Variants in LAMC1 observed in about 807,000 individuals in gnomAD.
The protein encoded by LAMC1 is laminin subunit gamma 1, also known as laminin subunit gamma-1.
Under a neutral mutation model 173.6 loss-of-function variants are expected in LAMC1, and 38 were observed. That is an observed-to-expected ratio of 0.22 (90% confidence interval 0.17 to 0.29). The LOEUF (loss-of-function observed/expected upper bound fraction) is 0.29, where lower values mean the gene tolerates loss of function less well. Ranked by LOEUF, LAMC1 falls within the 10% of genes least tolerant of loss-of-function variation. The pLI, the probability that LAMC1 is intolerant of heterozygous loss-of-function variation, is 1.00. For synonymous variants in LAMC1, 746 were observed against 749.1 expected, an observed-to-expected ratio of 1.00 and a Z score of 0.07; for missense variants, 1,824 against 2,051.8, an observed-to-expected ratio of 0.89 and a Z score of 2.14.
At position 183,103,464 on chromosome 1, in the gene LAMC1, C is replaced by T; in HGVS notation, c.555C>T (p.Thr185=). The part of the protein sequence containing the change: ...YQYYSGSCEN[T]YSKANRGFIR... ...ACTACAGTGGTTCCTGTGAGAACAC[C>T]TACTCCAAGGCAAACCGCGGCTTCA... Residue 185 remains threonine, a synonymous_variant, in exon 2 of 28, where the codon ACC becomes ACT. Transcript: ENST00000258341. 15 of 1,614,180 alleles carry T rather than the reference C, an allele frequency of 9.3e-6. No homozygotes were observed. Among genetic ancestry groups the T allele is most frequent in the Non-Finnish European group, 1.3e-5 (15 of 1,180,036 alleles).
intron 1 of LAMC1, among the ~76,000 whole-genome samples, chr1:183,039,509 T>C (rs1654070483): frequency 6.6e-6 from 1 of 152,216 alleles, no homozygotes; most frequent in Non-Finnish European, 1.5e-5. Context: ...TGTGGGAACA[T>C]CTGTAATGCA....
At chr1:183,046,320 G>C (rs1030723164) in intron 1 of LAMC1, among the ~76,000 whole-genome samples, 1 of 151,994 alleles carries the variant, frequency 6.6e-6, no homozygotes, top group Non-Finnish European at 1.5e-5. Context: ...GTTTAGGCCT[G>C]TGCTTATCCA....
intron 18 of LAMC1, 148 bp downstream of exon 18, chr1:183,128,898 T>C (rs1011899107): frequency 3.6e-6 from 2 of 551,608 alleles, no homozygotes; most frequent in Non-Finnish European, 2.8e-6. Flanking sequence ...TTTTAAACAC[T>C]AATTCAAAAA....
intron 3 of LAMC1, 120 bp from the exon 4 acceptor site, chr1:183,110,368 A>G (rs1209792276): frequency 7.3e-6 from 5 of 687,814 alleles, no homozygotes; most frequent in Non-Finnish European, 1.2e-5. Context: ...AATCTTGCTC[A>G]GTTCCCCAGT....
chr1:183,140,503 G>T lies in LAMC1; in HGVS notation c.4573G>T (p.Gly1525Trp). 2 of 1,604,470 alleles carry T rather than the reference G, an allele frequency of 1.2e-6. No homozygotes were observed. Among genetic ancestry groups the T allele is most frequent in the Non-Finnish European group, 8.5e-7 (1 of 1,171,840 alleles). Residue 1525 changes from glycine to tryptophan, a missense_variant and splice_region_variant, in exon 27 of 28, where the codon GGG (glycine) becomes TGG (tryptophan). Gly to Trp is a radical substitution (Grantham distance 184). Transcript: ENST00000258341. Reference sequence around the variant, plus strand: ...TATTAATGACCTCTTGGAGCAGCTGGGTACGTAGCCATAGAGTCATTTTTG... The same window carrying T: ...TATTAATGACCTCTTGGAGCAGCTGTGTACGTAGCCATAGAGTCATTTTTG... The part of the protein sequence containing the change: ...SIINDLLEQL[G>W]QLDTVDLNKL...
chr1:183,029,568 A>C (rs1156906535), intron 1 of LAMC1, among the ~76,000 whole-genome samples: 1 of 152,152 alleles, frequency 6.6e-6, no homozygotes, highest in East Asian at 1.9e-4. Context: ...TCACGTGTTC[A>C]CAGGGCTGTT....
In LAMC1 at chr1:183,079,232, G is replaced by GTTTTTTTTTTT. The variant is rs796732672; in HGVS notation, c.419-24066_419-24056dup. 8.0e-5 allele frequency among the ~76,000 whole-genome samples: 5 copies of GTTTTTTTTTTT among 62,786 alleles called. 1 individual carries two copies. The highest frequency in any genetic ancestry group is 1.5e-4 in the Non-Finnish European group (5 of 32,824). The allele number at this position is 62,786 out of a possible 152,430, so 41.2% of individuals were successfully genotyped here. A position where few individuals can be genotyped will look rare whatever the true frequency, so the allele number is the denominator to read the frequency against. ...AAGCAACTTTCTGATCTCTAATCTG[G>GTTTTTTTTTTT]TTTTTTTTTTTTTTTTTTTTTTTTT... is the stretch of plus-strand genomic sequence containing the variant. On this transcript the variant is annotated intron_variant, in intron 1 of 27. Coordinates refer to ENST00000258341, the MANE Select transcript of LAMC1 (RefSeq NM_002293.4).
At chr1:183,024,916 T>C (rs2102001718) in intron 1 of LAMC1, among the ~76,000 whole-genome samples, 1 of 152,342 alleles carries the variant, frequency 6.6e-6, no homozygotes, top group East Asian at 1.9e-4. Context: ...TGTAGAAAAC[T>C]TCATGGCAGG....
At chr1:183,070,519 G>A (rs186236877) in intron 1 of LAMC1, among the ~76,000 whole-genome samples, 12 of 152,264 alleles carry the variant, frequency 7.9e-5, no homozygotes, top group Admixed American at 2.0e-4. Flanking sequence ...CATCTGGGCC[G>A]TGATTTGAAG....
chr1:183,134,192 C>T (rs184090524), intron 22 of LAMC1, among the ~76,000 whole-genome samples: 2 of 152,256 alleles, frequency 1.3e-5, no homozygotes, highest in East Asian at 3.9e-4. Flanking sequence ...TACTAAGTTT[C>T]ACTTCTTATA....
chr1:183,026,774 TTAAAA>T (rs144851631), intron 1 of LAMC1, among the ~76,000 whole-genome samples: 5,588 of 152,322 alleles, frequency 0.037, 169 homozygotes, highest in Non-Finnish European at 0.05. Flanking sequence ...ACAGTAAACT[TTAAAA>T]TAAGCAGTCA....
intron 15 of LAMC1, among the ~76,000 whole-genome samples, chr1:183,125,848 C>G (rs1251179469): frequency 3.3e-5 from 5 of 152,254 alleles, no homozygotes; most frequent in African/African-American, 1.2e-4. Flanking sequence ...CTGGGAACTT[C>G]TGTTTTCAAA....
chr1:183,133,424 C>T lies in LAMC1; in HGVS notation c.3723C>T (p.Asn1241=), dbSNP rs1558059921. The change falls in exon 22 of 28, where the codon AAC becomes AAT. Residue 1241 remains asparagine, a synonymous_variant. Transcript: ENST00000258341. Reference sequence around the variant, plus strand: ...GTCTTAGGTATGAACAAGCGAAGAACATCTCACAGGATCTGGAAAAACAAG... The same window carrying T: ...GTCTTAGGTATGAACAAGCGAAGAATATCTCACAGGATCTGGAAAAACAAG... ...ELNRKYEQAK[N]ISQDLEKQAA... 6.2e-7 allele frequency: 1 copy of T among 1,613,754 alleles called. No homozygotes were observed. The highest frequency in any genetic ancestry group is 1.3e-5 in the African/African-American group (1 of 75,026).
intron 1 of LAMC1, among the ~76,000 whole-genome samples, chr1:183,054,972 T>A (rs1654545057): frequency 6.7e-6 from 1 of 149,872 alleles, no homozygotes. Flanking sequence ...CTTTGATTAG[T>A]GAGAACTTTG....
At chr1:183,082,162 G>A (rs1450020335) in intron 1 of LAMC1, among the ~76,000 whole-genome samples, 1 of 152,130 alleles carries the variant, frequency 6.6e-6, no homozygotes, top group Non-Finnish European at 1.5e-5. Flanking sequence ...TTGCTTCCAA[G>A]TTTTGTCAAT....
At chr1:183,078,842 C>T (rs552443748) in intron 1 of LAMC1, among the ~76,000 whole-genome samples, 1 of 152,144 alleles carries the variant, frequency 6.6e-6, no homozygotes, top group African/African-American at 2.4e-5. Context: ...GAAATCCCAT[C>T]TCTACTAAAA....
chr1:183,095,157 T>G (rs769205295), intron 1 of LAMC1, among the ~76,000 whole-genome samples: 3 of 152,152 alleles, frequency 2.0e-5, no homozygotes, highest in African/African-American at 4.8e-5. Flanking sequence ...TTAGAGTATT[T>G]TAAATAGCAC....
intron 1 of LAMC1, among the ~76,000 whole-genome samples, chr1:183,045,928 C>T (rs1049154669): frequency 5.9e-5 from 9 of 151,828 alleles, no homozygotes; most frequent in Non-Finnish European, 1.0e-4. Context: ...ATTTCCTCTC[C>T]GCAAAATGTC....
At chr1:183,137,555 T>G in intron 25 of LAMC1, 114 bp from the exon 26 acceptor site, 1 of 567,770 alleles carries the variant, frequency 1.8e-6, no homozygotes, top group Non-Finnish European at 2.9e-6. Flanking sequence ...ATCAATATAT[T>G]ATTATTTCTG....
Sources: allele counts gnomAD v4.1 joint callset (sites outside exome capture counted in the v4.1 genomes callset), GRCh38; gene constraint gnomAD v4.1.1; transcripts MANE v1.5; gene names NCBI Gene and HGNC (gene_info 2026-07-23, HGNC 2026-07-21).